The following EVC2 variants were observed in gnomAD, a reference collection of about 807,000 sequenced individuals.
EVC2 encodes limbin.
Under a neutral mutation model 149.3 loss-of-function variants are expected in EVC2, and 148 were observed. The ratio of observed to expected loss-of-function variants is 0.99; its 90% CI spans 0.87 to 1.14. EVC2 has a LOEUF of 1.14. Ranked by LOEUF, EVC2 falls within the 50% of genes most tolerant of loss-of-function variation. The probability of loss-of-function intolerance (pLI) is 0.00; values close to 1 mark genes in which losing one functional copy is unlikely to be tolerated. For missense variants in EVC2, 1,854 were observed against 1,627.3 expected (o/e 1.14, Z -2.40); for synonymous variants, 776 against 649.9 (o/e 1.19, Z -2.95).
At chr4:5,566,384 G>C (rs1310080486) in intron 20 of EVC2, among the ~76,000 whole-genome samples, 1 of 152,188 alleles carries the variant, frequency 6.6e-6, no homozygotes, top group African/African-American at 2.4e-5. Flanking sequence ...GCAGAGAAGG[G>C]CGGTCTTCTG....
Position 5,708,369 on chromosome 4 carries a change from C to A in EVC2, c.145G>T (p.Asp49Tyr). 1 of 1,490,426 alleles carries A rather than the reference C, an allele frequency of 6.7e-7. No individual in the cohort carries two copies. Among genetic ancestry groups the A allele is most frequent in the Non-Finnish European group, 8.9e-7 (1 of 1,126,962 alleles). 92.3% of individuals were successfully genotyped at this position (1,490,426 alleles called of 1,614,324 possible). The change falls in exon 1 of 22, where the codon GAT (aspartate) becomes TAT (tyrosine). Residue 49 changes from aspartate (D) to tyrosine (Y), a missense_variant. By Grantham distance (160) the Asp-to-Tyr change is radical. Coordinates refer to ENST00000344408, the MANE Select transcript of EVC2 (RefSeq NM_147127.5). The stretch of plus-strand genomic sequence containing the variant: ...CCAGACCTAGGAGCCACCTGGGGAT[C>A]CCGGGGTGGCTGCGCGCCGAGGGGG... Reference protein sequence around the residue: ...WRPLGAQPPRDPQVAPRSGPG... With the variant: ...WRPLGAQPPRYPQVAPRSGPG...
chr4:5,694,255 G>A (rs558386797), intron 3 of EVC2, 80 bp downstream of exon 3: 49 of 1,476,942 alleles, frequency 3.3e-5, no homozygotes, highest in African/African-American at 2.1e-4. Context: ...ACAAAAACCC[G>A]TGCCATTTTA....
At chr4:5,603,576 C>T (rs1007922764) in intron 16 of EVC2, among the ~76,000 whole-genome samples, 1 of 152,212 alleles carries the variant, frequency 6.6e-6, no homozygotes, top group African/African-American at 2.4e-5. Flanking sequence ...CCAACTACCC[C>T]TGCATAATTG....
At chr4:5,595,511 C>A (rs2108802682) in intron 16 of EVC2, among the ~76,000 whole-genome samples, 1 of 152,228 alleles carries the variant, frequency 6.6e-6, no homozygotes, top group Admixed American at 6.5e-5. Context: ...TACAGACAAG[C>A]AAATGCTGAG....
At chr4:5,606,694 G>C (rs1010561698) in intron 16 of EVC2, among the ~76,000 whole-genome samples, 3 of 152,066 alleles carry the variant, frequency 2.0e-5, no homozygotes, top group Non-Finnish European at 4.4e-5. Flanking sequence ...AGAAATGAGA[G>C]AGACGGTGGA....
At chr4:5,608,836 A>G (rs1339160284) in intron 16 of EVC2, among the ~76,000 whole-genome samples, 7 of 152,184 alleles carry the variant, frequency 4.6e-5, no homozygotes, top group Non-Finnish European at 8.8e-5. Context: ...CCAGCCTGGA[A>G]GAGATGAGTA....
chr4:5,557,788 C>G (rs201772051), downstream of EVC2, among the ~76,000 whole-genome samples: 2 of 151,878 alleles, frequency 1.3e-5, no homozygotes, highest in Admixed American at 1.3e-4. Context: ...GACTGGAATT[C>G]GAAATGTTAA....
intron 13 of EVC2, among the ~76,000 whole-genome samples, chr4:5,624,659 G>A (rs933810125): frequency 6.6e-6 from 1 of 152,128 alleles, no homozygotes; most frequent in Admixed American, 6.6e-5. Context: ...CTTGGATCAG[G>A]CAAGACAGTA....
rs146054266 is a variant in EVC2 at position 5,618,942 on chromosome 4, C to A, written c.2502-260G>T. On this transcript the variant is annotated intron_variant, in intron 14 of 21. Transcript: ENST00000344408. This position sits in a 1 kb window ranked among gnomAD's most constrained non-coding sequence, Gnocchi z 4.4. ...GGGTGCCTTTGAGGAGGCAACAGGC[C>A]TTCCAGTGCCCACGACCTTGCAATT... Among the ~76,000 whole-genome samples, 45 of 152,302 alleles carry A rather than the reference C, an allele frequency of 3.0e-4. No homozygotes were observed. In the East Asian group the frequency reaches 4.3e-3, roughly 14 times the overall value.
At position 5,628,724 on chromosome 4, in the gene EVC2, T is replaced by C; in HGVS notation, c.1721A>G (p.Glu574Gly). Residue 574 changes from glutamate to glycine, a missense_variant, in exon 12 of 22, where the codon GAA becomes GGA. Physicochemically the swap from Glu to Gly is moderately conservative, Grantham distance 98. Coordinates refer to ENST00000344408, the MANE Select transcript of EVC2 (RefSeq NM_147127.5). ...AGCCTGGAAAAAGTCCATTAACTCTTCTACATTCTCCTGTCAATTAAAAAA... is the reference window on the plus strand; with the variant it reads ...AGCCTGGAAAAAGTCCATTAACTCTCCTACATTCTCCTGTCAATTAAAAAA... ...QNYSKIQENVEELMDFFQASK... is the reference protein window; with the variant it reads ...QNYSKIQENVGELMDFFQASK... The C allele has an allele frequency of 6.2e-7, 1 of 1,608,152 alleles. No individual in the cohort carries two copies. The highest frequency in any genetic ancestry group is 8.5e-7 in the Non-Finnish European group (1 of 1,179,616).
downstream of EVC2, among the ~76,000 whole-genome samples, chr4:5,560,262 G>A (rs1230450409): frequency 6.6e-6 from 1 of 152,054 alleles, no homozygotes; most frequent in Non-Finnish European, 1.5e-5. The surrounding 1 kb of genome is among the most constrained non-coding windows in gnomAD (Gnocchi z 4.1). Flanking sequence ...CCTTCACCTA[G>A]AATGGCAAAA....
downstream of EVC2, among the ~76,000 whole-genome samples, chr4:5,561,339 T>C (rs1029949855): frequency 6.6e-6 from 1 of 152,220 alleles, no homozygotes; most frequent in Admixed American, 6.5e-5. Context: ...TCCACTCTGC[T>C]GTCCTGTGTG....
At chr4:5,612,865 T>C (rs1714947035) in intron 16 of EVC2, among the ~76,000 whole-genome samples, 1 of 129,430 alleles carries the variant, frequency 7.7e-6, no homozygotes, top group African/African-American at 3.0e-5. Context: ...GAGCTTGCAG[T>C]GAGCCAGGAT....
Position 5,618,728 on chromosome 4 carries a change from G to C in EVC2, c.2502-46C>G. The stretch of plus-strand genomic sequence containing the variant: ...ACACTCTTAACACAGAGAAAGCCTG[G>C]GGGCTGGGCTGGGGTGAAGAAGCCA... On this transcript the variant is annotated intron_variant, in intron 14 of 21. Transcript: ENST00000344408. This position sits in a 1 kb window ranked among gnomAD's most constrained non-coding sequence, Gnocchi z 4.4. 1 of 1,544,498 alleles carries C rather than the reference G, an allele frequency of 6.5e-7. No individual in the cohort carries two copies. The highest frequency in any genetic ancestry group is 8.8e-7 in the Non-Finnish European group (1 of 1,139,422).
downstream of EVC2, among the ~76,000 whole-genome samples, chr4:5,541,081 C>T (rs775530859): frequency 3.3e-5 from 5 of 152,204 alleles, no homozygotes; most frequent in Non-Finnish European, 5.9e-5. Context: ...CCTTTTCCGA[C>T]AGCAGAGTGT....
intron 16 of EVC2, among the ~76,000 whole-genome samples, chr4:5,607,495 A>T (rs1211589139): frequency 2.6e-5 from 4 of 152,190 alleles, no homozygotes; most frequent in African/African-American, 9.7e-5. Context: ...AGGACCAGAC[A>T]TCTGTAGCTG....
At chr4:5,612,922 CAAAAAAAAAAA>C (rs34505528) in intron 16 of EVC2, among the ~76,000 whole-genome samples, 8 of 26,800 alleles carry the variant, frequency 3.0e-4, no homozygotes, top group Admixed American at 4.9e-4. Flanking sequence ...ACTCTGTCTC[CAAAAAAAAAAA>C]AAAAAAAAAA....
In EVC2 at chr4:5,618,765, C is replaced by T. The variant is rs1213147361; in HGVS notation, c.2502-83G>A. On this transcript the variant is annotated intron_variant, in intron 14 of 21. Transcript: ENST00000344408. This position sits in a 1 kb window ranked among gnomAD's most constrained non-coding sequence, Gnocchi z 4.4. ...GGGTGAAGAAGCCAGAGATGCAAAG[C>T]TCATTCCTCATATCCATGTCTGCAG... 2 of 1,260,984 alleles carry T rather than the reference C, an allele frequency of 1.6e-6. No individual in the cohort carries two copies. Among genetic ancestry groups the T allele is most frequent in the Non-Finnish European group, 2.3e-6 (2 of 883,936 alleles). The allele number at this position is 1,260,984 out of a possible 1,614,324, so 78.1% of individuals were successfully genotyped here.
At chr4:5,557,789 G>A (rs576401652), downstream of EVC2, among the ~76,000 whole-genome samples, 217 of 152,194 alleles carry the variant, frequency 1.4e-3, no homozygotes, top group African/African-American at 4.1e-3. Flanking sequence ...ACTGGAATTC[G>A]AAATGTTAAA....
Sources: gnomAD v4.1 joint callset for allele counts (sites outside exome capture counted in the v4.1 genomes callset) on GRCh38, gnomAD v4.1.1 for gene constraint, Gnocchi (gnomAD v3.1) non-coding constraint, MANE v1.5 for transcripts, NCBI Gene and HGNC (gene_info 2026-07-23, HGNC 2026-07-21) for gene names.